WBP2: variants seen among roughly 807,000 people sequenced by gnomAD.
The protein encoded by WBP2 is WW domain-binding protein 2.
Under a neutral mutation model 33.0 loss-of-function variants are expected in WBP2, and 23 were observed. The ratio of observed to expected loss-of-function variants is 0.70; its 90% CI spans 0.50 to 0.99. The LOEUF is 0.99. WBP2 is among the 50% of genes least tolerant of loss of function. The pLI, the probability that WBP2 is intolerant of heterozygous loss-of-function variation, is 0.00. For synonymous variants in WBP2, 153 were observed against 133.5 expected (o/e 1.15, Z -1.01); for missense variants, 353 against 358.0 (o/e 0.99, Z 0.11).
At position 75,847,654 on chromosome 17, in the gene WBP2, C is replaced by T. The variant is rs191242137; in HGVS notation, c.533-45G>A. 280 of 1,611,072 alleles carry T rather than the reference C, an allele frequency of 1.7e-4. 1 individual carries two copies. The African/African-American group carries it at 2.9e-3, about 16-fold the overall frequency. On this transcript the variant is annotated intron_variant, in intron 5 of 7. Transcript: ENST00000254806. ...CAAGGACATGGTGAGCACCCGGCTG[C>T]GGCCCCCTCCCGGGTGAGGGGGGCC... is the stretch of plus-strand genomic sequence containing the variant.
chr17:75,848,840 C>T, intron 3 of WBP2, 178 bp from the exon 4 acceptor site: 1 of 630,164 alleles, frequency 1.6e-6, no homozygotes, highest in Non-Finnish European at 2.8e-6. Context: ...TGCATAGGAG[C>T]CAGCACTGCA....
chr17:75,847,066 T>C (rs551947826), intron 6 of WBP2, 82 bp from the exon 7 acceptor site: 1 of 1,497,624 alleles, frequency 6.7e-7, no homozygotes, highest in South Asian at 1.2e-5. Context: ...CCCCCATGGC[T>C]CGGGGCAGCT....
chr17:75,848,517 A>G, intron 4 of WBP2, 53 bp downstream of exon 4: 1 of 1,549,270 alleles, frequency 6.5e-7, no homozygotes, highest in Non-Finnish European at 8.9e-7. Flanking sequence ...ACTCATACCA[A>G]ACCCCTACAT....
intron 6 of WBP2, chr17:75,847,282 G>A: frequency 3.5e-6 from 3 of 857,734 alleles, no homozygotes; most frequent in Non-Finnish European, 5.4e-6. Context: ...CCCGCCCAGG[G>A]CACATGGATA....
intron 3 of WBP2, 134 bp downstream of exon 3, chr17:75,849,470 G>A: frequency 8.8e-7 from 1 of 1,134,084 alleles, no homozygotes; most frequent in Non-Finnish European, 1.2e-6. Context: ...CCACCAGCTG[G>A]CAGCCCAGAG....
chr17:75,850,809 C>G (rs572742123), intron 2 of WBP2, among the ~76,000 whole-genome samples: 30 of 152,256 alleles, frequency 2.0e-4, no homozygotes, highest in Non-Finnish European at 4.0e-4. Context: ...TATTCTCCAC[C>G]TTACCTCTCG....
At chr17:75,853,056 T>G (rs1427252090) in intron 1 of WBP2, among the ~76,000 whole-genome samples, 3 of 152,168 alleles carry the variant, frequency 2.0e-5, no homozygotes, top group East Asian at 3.9e-4. Flanking sequence ...AATTTTTTAT[T>G]TTTTTGAGAC....
upstream of WBP2, chr17:75,855,520 C>G (rs531145009): frequency 5.2e-6 from 3 of 579,546 alleles, no homozygotes; most frequent in Admixed American, 8.9e-5. Flanking sequence ...CAGCAGGCAA[C>G]GCCCCCGCAG....
intron 3 of WBP2, 63 bp from the exon 4 acceptor site, chr17:75,848,725 G>T: frequency 1.4e-6 from 2 of 1,439,690 alleles, no homozygotes; most frequent in Non-Finnish European, 1.9e-6. Context: ...CAAAGAGATG[G>T]CTGTTTTCCT....
chr17:75,846,865 T>A lies in WBP2; in HGVS notation c.732+43A>T, dbSNP rs776212554. On this transcript the variant is annotated intron_variant, in intron 7 of 7. Transcript: ENST00000254806. The surrounding 1 kb of genome is among the most constrained non-coding windows in gnomAD (Gnocchi z 4.8). Reference sequence around the variant, plus strand: ...GGTCATCCCCCTGCGGCTCCCAGCATCTGCGGCTGTGGGGCTGCACCGGCA... The same window carrying A: ...GGTCATCCCCCTGCGGCTCCCAGCAACTGCGGCTGTGGGGCTGCACCGGCA... The A allele has an allele frequency of 3.1e-6, 5 of 1,613,522 alleles. No individual in the cohort carries two copies. Among genetic ancestry groups the A allele is most frequent in the Non-Finnish European group, 4.2e-6 (5 of 1,179,706 alleles).
upstream of WBP2, among the ~76,000 whole-genome samples, chr17:75,856,049 G>A (rs2065057011): frequency 6.6e-6 from 1 of 152,224 alleles, no homozygotes; most frequent in South Asian, 2.1e-4. Context: ...CCCCCTCTCC[G>A]GCCTCGCGGT....
rs1361013806 is a variant in WBP2, at chr17:75,846,737, C to T, written c.783G>A (p.Gln261=). 3 of 1,524,242 alleles carry T rather than the reference C, an allele frequency of 2.0e-6. No homozygotes were observed. In the South Asian group the frequency reaches 3.9e-5, roughly 20 times the overall value. The allele number at this position is 1,524,242 out of a possible 1,614,324, so 94.4% of individuals were successfully genotyped here. A position where few individuals can be genotyped will look rare whatever the true frequency, so the allele number is the denominator to read the frequency against. The change falls in exon 8 of 8, where the codon CAG becomes CAA. Residue 261 remains glutamine (Q), a synonymous_variant. Coordinates refer to ENST00000254806, the MANE Select transcript of WBP2 (RefSeq NM_012478.4). This position sits in a 1 kb window ranked among gnomAD's most constrained non-coding sequence, Gnocchi z 4.8. ...GGAGGCAGGGAGGCAGGAGGGCCTA[C>T]TGGGTCTTCTTATCTTCCGGTGGGT... ...PYYPPEDKKT[Q]
In WBP2 at chr17:75,846,757, G is replaced by T; in HGVS notation, c.763C>A (p.Pro255Thr). Residue 255 changes from proline (P) to threonine (T), a missense_variant, in exon 8 of 8, where the codon CCG (proline) becomes ACG (threonine). Coordinates refer to ENST00000254806, the MANE Select transcript of WBP2 (RefSeq NM_012478.4). This position sits in a 1 kb window ranked among gnomAD's most constrained non-coding sequence, Gnocchi z 4.8. Reference sequence around the variant, plus strand: ...GCCTACTGGGTCTTCTTATCTTCCGGTGGGTAGTAGGGAGGTGGCGGCGGC... The same window carrying T: ...GCCTACTGGGTCTTCTTATCTTCCGTTGGGTAGTAGGGAGGTGGCGGCGGC... ...SQPPPPPYYP[P>T]EDKKTQ 1 of 1,536,922 alleles carries T rather than the reference G, an allele frequency of 6.5e-7. No homozygotes were observed. Among genetic ancestry groups the T allele is most frequent in the Non-Finnish European group, 8.8e-7 (1 of 1,140,802 alleles).
At chr17:75,850,519 A>G (rs547148112) in intron 2 of WBP2, among the ~76,000 whole-genome samples, 1 of 152,262 alleles carries the variant, frequency 6.6e-6, no homozygotes, top group South Asian at 2.1e-4. Context: ...TGCTGGGATT[A>G]CAGGCATGAG....
At chr17:75,854,895 T>G (rs1243225883) in intron 1 of WBP2, among the ~76,000 whole-genome samples, 1 of 152,224 alleles carries the variant, frequency 6.6e-6, no homozygotes, top group African/African-American at 2.4e-5. Context: ...AGTAACGTTG[T>G]AGACATCCAA....
intron 5 of WBP2, 28 bp from the exon 6 acceptor site, chr17:75,847,637 T>C (rs374784546): frequency 9.2e-5 from 148 of 1,612,346 alleles, no homozygotes; most frequent in Non-Finnish European, 1.2e-4. Flanking sequence ...AACAAGGACA[T>C]GGTGAGCACC....
chr17:75,855,183 C>CCCAAA, intron 1 of WBP2, 56 bp downstream of exon 1: 13 of 1,506,762 alleles, frequency 8.6e-6, no homozygotes, highest in South Asian at 1.1e-5. Context: ...CACCCACCGC[C>CCCAAA]CACTTCCTCG....
At chr17:75,852,344 C>T (rs1319699620) in intron 1 of WBP2, 6 of 152,252 alleles carry the variant, frequency 3.9e-5, no homozygotes, top group Admixed American at 1.3e-4. Flanking sequence ...TCCCAAACCC[C>T]GCTTATAAAG....
chr17:75,847,556 G>C lies in WBP2; in HGVS notation c.586C>G (p.Pro196Ala). Residue 196 changes from proline to alanine, a missense_variant, in exon 6 of 8, where the codon CCA becomes GCA. Transcript: ENST00000254806. ...MDGAMGYVQP[P>A]PPPYPGPMEP... ...ATGGGCCCAGGGTAGGGCGGTGGTG[G>C]GGGCTGCACGTATCCCATGGCCCCG... 6.2e-7 allele frequency: 1 copy of C among 1,603,150 alleles called. No individual in the cohort carries two copies. Among genetic ancestry groups the C allele is most frequent in the South Asian group, 1.1e-5 (1 of 90,016 alleles).
Sources: allele counts gnomAD v4.1 joint callset (sites outside exome capture counted in the v4.1 genomes callset), GRCh38; gene constraint gnomAD v4.1.1; non-coding constraint Gnocchi (gnomAD v3.1); transcripts MANE v1.5; gene names NCBI Gene and HGNC (gene_info 2026-07-23, HGNC 2026-07-21).